Variants in DAB2 observed in about 807,000 individuals in gnomAD.
The protein encoded by DAB2 is disabled homolog 2.
DAB2 carries 28 observed loss-of-function variants against 71.6 expected under a neutral mutation model. That is an observed-to-expected ratio of 0.39 (90% CI 0.29 to 0.54). The LOEUF (loss-of-function observed/expected upper bound fraction) is 0.54, where lower values mean the gene tolerates loss of function less well. DAB2 is among the 20% of genes least tolerant of loss of function. The pLI is 0.68. For synonymous variants in DAB2, 345 were observed against 339.7 expected (o/e 1.02, Z -0.17); for missense variants, 867 against 928.8 (o/e 0.93, Z 0.86).
intron 1 of DAB2, among the ~76,000 whole-genome samples, chr5:39,401,919 A>G (rs1300440878): frequency 1.3e-5 from 2 of 151,870 alleles, no homozygotes; most frequent in African/African-American, 4.8e-5. Flanking sequence ...TGCCTGGCTA[A>G]TTTTTTGTAT....
intron 4 of DAB2, 58 bp from the exon 5 acceptor site, chr5:39,390,633 A>T: frequency 7.4e-7 from 1 of 1,351,332 alleles, no homozygotes; most frequent in Non-Finnish European, 1.0e-6. Context: ...TTTGCAGGCT[A>T]GCACACCGAA....
intron 1 of DAB2, among the ~76,000 whole-genome samples, chr5:39,413,759 C>A (rs953965952): frequency 6.6e-6 from 1 of 152,150 alleles, no homozygotes; most frequent in Non-Finnish European, 1.5e-5. Flanking sequence ...GGGCGATGCG[C>A]TTTCTGTATT....
chr5:39,381,303 G>C, intron 11 of DAB2, 151 bp downstream of exon 11: 1 of 692,984 alleles, frequency 1.4e-6, no homozygotes, highest in Non-Finnish European at 2.4e-6. Flanking sequence ...ATGGATGTGG[G>C]GTTGTATAGT....
chr5:39,378,473 G>A (rs1377755396), intron 11 of DAB2, among the ~76,000 whole-genome samples: 1 of 152,218 alleles, frequency 6.6e-6, no homozygotes, highest in African/African-American at 2.4e-5. Context: ...ATGTTTCCAA[G>A]AGGGAATACT....
In DAB2 at chr5:39,376,030, G is replaced by T; in HGVS notation, c.2214C>A (p.Phe738Leu). The T allele has an allele frequency of 6.2e-7, 1 of 1,614,084 alleles. No homozygotes were observed. Among genetic ancestry groups the T allele is most frequent in the Non-Finnish European group, 8.5e-7 (1 of 1,179,970 alleles). Reference protein sequence around the residue: ...KSTDNAFENPFFKDSFGSSQA... With the variant: ...KSTDNAFENPLFKDSFGSSQA... Reference sequence around the variant, plus strand: ...GTGATGAACCAAAAGAATCTTTAAAGAAAGGGTTCTCAAATGCATTGTCAG... The same window carrying T: ...GTGATGAACCAAAAGAATCTTTAAATAAAGGGTTCTCAAATGCATTGTCAG... Residue 738 changes from phenylalanine (F) to leucine (L), a missense_variant, in exon 13 of 15, where the codon TTC (phenylalanine) becomes TTA (leucine). Phe to Leu is a conservative substitution (Grantham distance 22). Coordinates refer to ENST00000320816, the MANE Select transcript of DAB2 (RefSeq NM_001343.4).
chr5:39,380,374 G>A (rs568044465), intron 11 of DAB2, among the ~76,000 whole-genome samples: 49 of 152,294 alleles, frequency 3.2e-4, no homozygotes, highest in African/African-American at 1.1e-3. Context: ...GAAAACAACA[G>A]AGACAGAGAG....
Position 39,412,250 on chromosome 5 carries a change from T to C in DAB2, c.-102+12554A>G, listed in dbSNP as rs1275871486. 2.6e-5 allele frequency among the ~76,000 whole-genome samples: 4 copies of C among 152,122 alleles called. No homozygotes were observed. In the East Asian group the frequency reaches 7.7e-4, roughly 29 times the overall value. On this transcript the variant is annotated intron_variant, in intron 1 of 14. Transcript: ENST00000320816. ...AGATTTTGCTGTGAAACCATGATTATGACAAAACTTGAAAAGCCTGCAGAC... is the reference window on the plus strand; with the variant it reads ...AGATTTTGCTGTGAAACCATGATTACGACAAAACTTGAAAAGCCTGCAGAC...
chr5:39,414,699 C>A, intron 1 of DAB2, among the ~76,000 whole-genome samples: 1 of 144,336 alleles, frequency 6.9e-6, no homozygotes, highest in Non-Finnish European at 1.5e-5. Flanking sequence ...TATAAATAAC[C>A]TTAAAGTTAA....
chr5:39,415,034 A>G (rs937872812), intron 1 of DAB2, among the ~76,000 whole-genome samples: 1 of 152,266 alleles, frequency 6.6e-6, no homozygotes, highest in Admixed American at 6.5e-5. Flanking sequence ...GTTTCTGATT[A>G]GGGTAGAAAG....
rs139775788 is a variant in DAB2, at chr5:39,386,963, C to T, written c.687+1342G>A. Among the ~76,000 whole-genome samples the T allele has an allele frequency of 7.9e-5, 12 of 152,224 alleles. No homozygotes were observed. The East Asian group carries it at 1.9e-3, about 25-fold the overall frequency. ...AAAAAGTTTATCCTCAGAACTATAA[C>T]AAAAATTATGAAGAATGAAAGGTTC... is the stretch of plus-strand genomic sequence containing the variant. On this transcript the variant is annotated intron_variant, in intron 9 of 14. Coordinates refer to ENST00000320816, the MANE Select transcript of DAB2 (RefSeq NM_001343.4).
At chr5:39,416,842 T>C (rs1207703684) in intron 1 of DAB2, among the ~76,000 whole-genome samples, 1 of 152,194 alleles carries the variant, frequency 6.6e-6, no homozygotes, top group African/African-American at 2.4e-5. Flanking sequence ...AGTCTGTTAA[T>C]GAGCAGTGCG....
rs1243587254 is a variant in DAB2, at chr5:39,422,709, A to C, written c.-102+2095T>G. ...AGGCCAGTAAATATCATCCCCAAAC[A>C]GCTGGTCAGCAGCTGCCAGAGGTCC... On this transcript the variant is annotated intron_variant, in intron 1 of 14. Transcript: ENST00000320816. This position sits in a 1 kb window ranked among gnomAD's most constrained non-coding sequence, Gnocchi z 4.1. 6.6e-6 allele frequency among the ~76,000 whole-genome samples: 1 copy of C among 152,054 alleles called. No homozygotes were observed. The highest frequency in any genetic ancestry group is 2.4e-5 in the African/African-American group (1 of 41,382).
intron 3 of DAB2, 137 bp downstream of exon 3, chr5:39,393,117 T>G: frequency 4.9e-6 from 4 of 816,708 alleles, no homozygotes; most frequent in Non-Finnish European, 5.8e-6. Flanking sequence ...TCTCAGAAAA[T>G]GGGGCACTAC....
At position 39,391,415 on chromosome 5, in the gene DAB2, G is replaced by T. The variant is rs188831555; in HGVS notation, c.331-840C>A. Among the ~76,000 whole-genome samples the T allele has an allele frequency of 4.2e-3, 638 of 152,228 alleles. 3 individuals carry two copies. The highest frequency in any genetic ancestry group is 0.014 in the African/African-American group (563 of 41,544). On this transcript the variant is annotated intron_variant, in intron 4 of 14. Transcript: ENST00000320816. ...CATGCCACCTTTCTCTGATGGGCTTGGGAAAATAAGAGTTGACAGATAAAG... is the reference window on the plus strand; with the variant it reads ...CATGCCACCTTTCTCTGATGGGCTTTGGAAAATAAGAGTTGACAGATAAAG...
At chr5:39,391,931 G>A (rs1182265637) in intron 4 of DAB2, among the ~76,000 whole-genome samples, 1 of 145,832 alleles carries the variant, frequency 6.9e-6, no homozygotes, top group African/African-American at 2.5e-5. Flanking sequence ...ACAAACTAGG[G>A]GTTAAAATTA....
At chr5:39,388,236 T>G (rs1410886279) in intron 9 of DAB2, 69 bp downstream of exon 9, 4 of 1,144,762 alleles carry the variant, frequency 3.5e-6, no homozygotes, top group Non-Finnish European at 5.2e-6. Flanking sequence ...GCTTAAGATT[T>G]CTGGTTATTG....
chr5:39,389,879 T>G lies in DAB2; in HGVS notation c.516A>C (p.Val172=), dbSNP rs776316609. 13 of 1,591,176 alleles carry G rather than the reference T, an allele frequency of 8.2e-6. 1 individual carries two copies. In the South Asian group the frequency reaches 1.5e-4, roughly 18 times the overall value. Residue 172 remains valine (V), a synonymous_variant, in exon 6 of 15, where the codon GTA becomes GTC. Coordinates refer to ENST00000320816, the MANE Select transcript of DAB2 (RefSeq NM_001343.4). The part of the protein sequence containing the change: ...LKDLFQVIYN[V]KKKEEEKKKI... ...TTTTCTTTTCTTCTTCCTTTTTCTT[T>G]ACATTATAGATAACTTGAAAAAGGT...
intron 9 of DAB2, 174 bp downstream of exon 9, chr5:39,388,131 G>A: frequency 6.8e-6 from 4 of 586,122 alleles, no homozygotes; most frequent in Non-Finnish European, 1.2e-5. Context: ...AGTGTGGATA[G>A]GTTCCCATGG....
At chr5:39,395,575 G>A (rs1466278047) in intron 1 of DAB2, among the ~76,000 whole-genome samples, 1 of 152,170 alleles carries the variant, frequency 6.6e-6, no homozygotes, top group Non-Finnish European at 1.5e-5. Context: ...TGTTTTCATA[G>A]GGGTCAGTAC....
Sources: allele counts gnomAD v4.1 joint callset (sites outside exome capture counted in the v4.1 genomes callset), GRCh38; gene constraint gnomAD v4.1.1; non-coding constraint Gnocchi (gnomAD v3.1); transcripts MANE v1.5; gene names NCBI Gene and HGNC (gene_info 2026-07-23, HGNC 2026-07-21).